Variants in SNX19 observed in about 807,000 individuals in gnomAD.
SNX19 encodes the protein sorting nexin-19.
A neutral mutation model predicts 85.2 loss-of-function variants in SNX19; 60 were observed. That is an observed-to-expected ratio of 0.70 (90% CI 0.57 to 0.87). SNX19 has a LOEUF of 0.87. Ranked by LOEUF, SNX19 falls within the 40% of genes least tolerant of loss-of-function variation. The pLI, the probability that SNX19 is intolerant of heterozygous loss-of-function variation, is 0.00. For synonymous variants in SNX19, 520 were observed against 470.0 expected (o/e 1.11, Z -1.38); for missense variants, 1,201 against 1,217.8 (o/e 0.99, Z 0.21).
rs1430338675 is a variant in SNX19, at chr11:130,871,832, T to G, written c.*6590A>C. On this transcript the variant is annotated 3_prime_UTR_variant, in exon 11 of 11. Coordinates refer to ENST00000265909, the MANE Select transcript of SNX19 (RefSeq NM_014758.3). ...GTGGGAAAAAAGACAAAAGTGTGGA[T>G]GATTCATACATTATTCACAAACTTA... is the stretch of plus-strand genomic sequence containing the variant. Among the ~76,000 whole-genome samples, 1 of 152,216 alleles carries G rather than the reference T, an allele frequency of 6.6e-6. No homozygotes were observed. Among genetic ancestry groups the G allele is most frequent in the Non-Finnish European group, 1.5e-5 (1 of 68,028 alleles).
rs559260472 is a variant in SNX19 at position 130,914,713 on chromosome 11, C to T, written c.1227G>A (p.Gln409=). The T allele has an allele frequency of 9.9e-6, 16 of 1,614,020 alleles. No homozygotes were observed. Among genetic ancestry groups the T allele is most frequent in the South Asian group, 6.6e-5 (6 of 91,076 alleles). ...CCTCACCATCTTTGGGTTCCAGAGC[C>T]TGGGAACTCTCTAGGGCACACAGGG... ...QDALCALESS[Q]ALEPKDGEAS... The change falls in exon 1 of 11, where the codon CAG becomes CAA. Residue 409 remains glutamine (Q), a synonymous_variant. Coordinates refer to ENST00000265909, the MANE Select transcript of SNX19 (RefSeq NM_014758.3).
In SNX19 at chr11:130,914,787, T is replaced by C. The variant is rs1056368998; in HGVS notation, c.1153A>G (p.Ile385Val). Residue 385 changes from isoleucine (I) to valine (V), a missense_variant, in exon 1 of 11, where the codon ATC (isoleucine) becomes GTC (valine). Ile to Val is a conservative substitution (Grantham distance 29). Coordinates refer to ENST00000265909, the MANE Select transcript of SNX19 (RefSeq NM_014758.3). The part of the protein sequence containing the change: ...SPLSELGKET[I>V]MLMTPGSFLS... ...AAGCTGCCTGGAGTCATGAGCATGA[T>C]GGTTTCTTTGCCCAGTTCAGACAGC... The C allele has an allele frequency of 8.7e-6, 14 of 1,614,236 alleles. No individual in the cohort carries two copies. Among genetic ancestry groups the C allele is most frequent in the African/African-American group, 2.7e-5 (2 of 75,060 alleles).
intron 8 of SNX19, among the ~76,000 whole-genome samples, chr11:130,884,926 T>C (rs1943952675): frequency 6.7e-6 from 1 of 149,398 alleles, no homozygotes; most frequent in South Asian, 2.1e-4. Context: ...TAAATACAAA[T>C]GCTCTTGTTC....
chr11:130,901,415 T>A (rs1945250541), intron 8 of SNX19, among the ~76,000 whole-genome samples: 1 of 152,148 alleles, frequency 6.6e-6, no homozygotes, highest in African/African-American at 2.4e-5. Context: ...TGACATTTTA[T>A]GCTTAATATA....
rs773077181 is a variant in SNX19, at chr11:130,915,516, G to A, written c.424C>T (p.Leu142Phe). ...EAAMKGLVQELRRRMSVMDSH... is the reference protein window; with the variant it reads ...EAAMKGLVQEFRRRMSVMDSH... Reference sequence around the variant, plus strand: ...TCCATCACGCTCATCCTTCTCCGAAGCTCCTGGACCAACCCTTTCATGGCT... The same window carrying A: ...TCCATCACGCTCATCCTTCTCCGAAACTCCTGGACCAACCCTTTCATGGCT... The change falls in exon 1 of 11, where the codon CTT becomes TTT. Residue 142 changes from leucine (L) to phenylalanine (F), a missense_variant. Leu to Phe is a conservative substitution (Grantham distance 22). Transcript: ENST00000265909. 6.2e-7 allele frequency: 1 copy of A among 1,614,240 alleles called. No homozygotes were observed. The highest frequency in any genetic ancestry group is 8.5e-7 in the Non-Finnish European group (1 of 1,180,046).
At chr11:130,882,598 T>C (rs1338576794) in intron 8 of SNX19, among the ~76,000 whole-genome samples, 1 of 152,184 alleles carries the variant, frequency 6.6e-6, no homozygotes, top group Non-Finnish European at 1.5e-5. Context: ...CACGATCGTA[T>C]TTGTTATTAT....
At chr11:130,887,194 T>TTG (rs1944147550) in intron 8 of SNX19, among the ~76,000 whole-genome samples, 1 of 152,222 alleles carries the variant, frequency 6.6e-6, no homozygotes, top group African/African-American at 2.4e-5. Flanking sequence ...CAAACAGTTT[T>TTG]TGTTTTTGAT....
intron 8 of SNX19, chr11:130,893,802 A>G (rs1156483692): frequency 1.4e-6 from 1 of 702,366 alleles, no homozygotes; most frequent in Admixed American, 2.0e-5. Flanking sequence ...CCTCCCAGGA[A>G]GGCTGAATCC....
At chr11:130,905,911 C>T (rs781379448) in intron 7 of SNX19, 42 bp downstream of exon 7, 49 of 1,613,926 alleles carry the variant, frequency 3.0e-5, no homozygotes, top group Non-Finnish European at 4.2e-5. Flanking sequence ...TGGATGCCAC[C>T]CTGGCTCCCT....
rs377357880 is a variant in SNX19 at position 130,869,740 on chromosome 11, G to A, written c.*8682C>T. Reference sequence around the variant, plus strand: ...TCTGACTTCACAGAAGGGAATATCTGGCCAACTTTCCTCACAGAATATCAA... The same window carrying A: ...TCTGACTTCACAGAAGGGAATATCTAGCCAACTTTCCTCACAGAATATCAA... On this transcript the variant is annotated 3_prime_UTR_variant, in exon 11 of 11. Coordinates refer to ENST00000265909, the MANE Select transcript of SNX19 (RefSeq NM_014758.3). 6 of 152,238 alleles carry A rather than the reference G, an allele frequency of 3.9e-5. No individual in the cohort carries two copies. In the East Asian group the frequency reaches 9.7e-4, roughly 25 times the overall value. The allele number at this position is 152,238 out of a possible 1,614,324, so 9.4% of individuals were successfully genotyped here. A position where few individuals can be genotyped will look rare whatever the true frequency, so the allele number is the denominator to read the frequency against.
Position 130,877,336 on chromosome 11 carries a change from C to G in SNX19, c.*1086G>C, listed in dbSNP as rs1050071. The stretch of plus-strand genomic sequence containing the variant: ...TAATAGATGTTGCAGTCTGACAAAA[C>G]ACCTTTGCCTTCATGCTGGTGTTGT... On this transcript the variant is annotated 3_prime_UTR_variant, in exon 11 of 11. Transcript: ENST00000265909. The G allele has an allele frequency of 0.44, 66,567 of 152,154 alleles. 14,854 individuals are homozygous for G. Among genetic ancestry groups the G allele is most frequent in the South Asian group, 0.56 (2,727 of 4,828 alleles). The allele number at this position is 152,154 out of a possible 1,614,324, so 9.4% of individuals were successfully genotyped here.
chr11:130,893,661 G>A (rs1021022725), intron 8 of SNX19: 12 of 618,196 alleles, frequency 1.9e-5, no homozygotes, highest in Non-Finnish European at 3.2e-5. Flanking sequence ...AACTTTGGGA[G>A]CACTGACTAT....
rs1168017445 is a variant in SNX19, at chr11:130,914,316, G to A, written c.1624C>T (p.Arg542Ter). ...TGGAATCCAGTGCCACTGTGCTCTC[G>A]GGCTGTAATGGTGCCAGTGATACGA... ...NLRITGTITA[R>*]EHSGTGFHPY... is the part of the protein sequence containing the mutation. The change falls in exon 1 of 11, where the codon CGA becomes TGA. Residue 542 changes from arginine to a stop codon, truncating the protein, a stop_gained. Coordinates refer to ENST00000265909, the MANE Select transcript of SNX19 (RefSeq NM_014758.3). LOFTEE classifies it high-confidence loss of function. The A allele has an allele frequency of 3.1e-6, 5 of 1,608,798 alleles. No individual in the cohort carries two copies. The highest frequency in any genetic ancestry group is 1.3e-5 in the African/African-American group (1 of 74,968).
At chr11:130,886,313 G>C (rs1049124356) in intron 8 of SNX19, among the ~76,000 whole-genome samples, 1 of 152,100 alleles carries the variant, frequency 6.6e-6, no homozygotes. Flanking sequence ...TCAGATCTGC[G>C]TGCATGCATA....
rs1000804605 is a variant in SNX19 at position 130,903,144 on chromosome 11, A to G, written c.2573+111T>C. The G allele has an allele frequency of 9.4e-6, 14 of 1,497,094 alleles. No individual in the cohort carries two copies. In the African/African-American group the frequency reaches 1.8e-4, roughly 19 times the overall value. The allele number at this position is 1,497,094 out of a possible 1,614,324, so 92.7% of individuals were successfully genotyped here. On this transcript the variant is annotated intron_variant, in intron 8 of 10. Coordinates refer to ENST00000265909, the MANE Select transcript of SNX19 (RefSeq NM_014758.3). ...TTTTCATCCCTGTAACCCCTGTAAC[A>G]GAGAATCTATCTTCTCTTACGGCTG...
intron 7 of SNX19, among the ~76,000 whole-genome samples, chr11:130,903,979 T>A (rs1461171156): frequency 6.6e-6 from 1 of 152,070 alleles, no homozygotes; most frequent in African/African-American, 2.4e-5. Context: ...TACACAGAGC[T>A]GTGGGGTTAG....
At chr11:130,903,710 T>TACACACACAC in intron 7 of SNX19, among the ~76,000 whole-genome samples, 1 of 98,986 alleles carries the variant, frequency 1.0e-5, no homozygotes, top group East Asian at 2.7e-4. Context: ...TATATATATA[T>TACACACACAC]ACACATACAC....
chr11:130,880,764 G>C lies in SNX19; in HGVS notation c.2616C>G (p.Arg872=). 6.3e-7 allele frequency: 1 copy of C among 1,596,300 alleles called. No homozygotes were observed. The highest frequency in any genetic ancestry group is 8.6e-7 in the Non-Finnish European group (1 of 1,166,912). ...VQVANLTSPQ[R]WVQYLLLLQE... The stretch of plus-strand genomic sequence containing the variant: ...GAAGAAGCAGGAGGTACTGCACCCA[G>C]CGCTGTGGACTTGTTAAATTAGCTA... Residue 872 remains arginine (R), a synonymous_variant, in exon 9 of 11, where the codon CGC becomes CGG. Transcript: ENST00000265909.
At position 130,871,673 on chromosome 11, in the gene SNX19, T is replaced by C. The variant is rs1204062283; in HGVS notation, c.*6749A>G. ...TGCTTCTGTCGACATTTGAGTCCTT[T>C]TGTCTGCAATCAGGGAGTTCTGTGT... is the stretch of plus-strand genomic sequence containing the variant. On this transcript the variant is annotated 3_prime_UTR_variant, in exon 11 of 11. Coordinates refer to ENST00000265909, the MANE Select transcript of SNX19 (RefSeq NM_014758.3). 6.6e-6 allele frequency among the ~76,000 whole-genome samples: 1 copy of C among 152,212 alleles called. No homozygotes were observed. The highest frequency in any genetic ancestry group is 1.5e-5 in the Non-Finnish European group (1 of 68,038).
Sources: gnomAD v4.1 joint callset for allele counts (sites outside exome capture counted in the v4.1 genomes callset) on GRCh38, gnomAD v4.1.1 for gene constraint, MANE v1.5 for transcripts, NCBI Gene and HGNC (gene_info 2026-07-23, HGNC 2026-07-21) for gene names.